Variants in CNTN4 observed in about 807,000 individuals in gnomAD.
The protein encoded by CNTN4 is contactin-4.
In CNTN4, 77 loss-of-function variants were observed where a neutral mutation model predicts 122.5. That is an observed-to-expected ratio of 0.63 (90% CI 0.52 to 0.76). The LOEUF is 0.76. Ranked by LOEUF, CNTN4 falls within the 30% of genes least tolerant of loss-of-function variation. The pLI, the probability that CNTN4 is intolerant of heterozygous loss-of-function variation, is 0.00. For synonymous variants in CNTN4, 512 were observed against 447.0 expected (o/e 1.15, Z -1.83); for missense variants, 1,256 against 1,259.1 (o/e 1.00, Z 0.04).
intron 3 of CNTN4, among the ~76,000 whole-genome samples, chr3:2,432,051 C>T (rs533912058): frequency 6.6e-6 from 1 of 152,304 alleles, no homozygotes; most frequent in Admixed American, 6.5e-5. Context: ...CACTGTAACT[C>T]TCACTGCACA....
At chr3:2,487,622 C>G (rs2076199264) in intron 3 of CNTN4, among the ~76,000 whole-genome samples, 2 of 152,096 alleles carry the variant, frequency 1.3e-5, no homozygotes. Context: ...GTGCATGACT[C>G]TTTTTTTGTT....
Position 3,026,269 on chromosome 3 carries a change from G to A in CNTN4, c.1654G>A (p.Val552Ile), listed in dbSNP as rs773947300. 3.1e-6 allele frequency: 5 copies of A among 1,613,098 alleles called. No individual in the cohort carries two copies. The highest frequency in any genetic ancestry group is 3.4e-6 in the Non-Finnish European group (4 of 1,179,312). The change falls in exon 15 of 25, where the codon GTT becomes ATT. Residue 552 changes from valine (V) to isoleucine (I), a missense_variant. Coordinates refer to ENST00000418658, the MANE Select transcript of CNTN4 (RefSeq NM_175607.3). ...CAGAGATGGGGACCACTTTGAAAGA[G>A]TTGGAGGGGTAAGTATTAATAGCAA... Reference protein sequence around the residue: ...FDRDGDHFERVGGQDSAGDLM... With the variant: ...FDRDGDHFERIGGQDSAGDLM...
chr3:2,397,212 A>G (rs1427670650), intron 3 of CNTN4, among the ~76,000 whole-genome samples: 2 of 152,218 alleles, frequency 1.3e-5, no homozygotes, highest in Non-Finnish European at 2.9e-5. Context: ...TACATTCAGT[A>G]TATGTTGAAA....
intron 4 of CNTN4, among the ~76,000 whole-genome samples, chr3:2,687,431 C>A (rs2085494684): frequency 6.6e-6 from 1 of 152,104 alleles, no homozygotes; most frequent in Admixed American, 6.6e-5. Context: ...GAGACCGAGA[C>A]AGGTGGATCA....
chr3:2,794,708 G>GCTGC (rs1010206650), intron 6 of CNTN4, among the ~76,000 whole-genome samples: 5 of 152,164 alleles, frequency 3.3e-5, no homozygotes, highest in African/African-American at 1.2e-4. Context: ...GCTGCTGTAA[G>GCTGC]CTGCCATTGA....
intron 2 of CNTN4, among the ~76,000 whole-genome samples, chr3:2,324,571 G>C (rs547323281): frequency 6.6e-6 from 1 of 152,140 alleles, no homozygotes; most frequent in East Asian, 1.9e-4. Flanking sequence ...CAATTCCCCT[G>C]CTAGCTTCTG....
chr3:2,821,726 G>C (rs1055905204), intron 7 of CNTN4, among the ~76,000 whole-genome samples: 2 of 152,122 alleles, frequency 1.3e-5, no homozygotes, highest in African/African-American at 4.8e-5. Context: ...GGTTTAATAA[G>C]TAGTAATATT....
At chr3:2,499,842 A>C (rs942643735) in intron 3 of CNTN4, among the ~76,000 whole-genome samples, 1 of 152,112 alleles carries the variant, frequency 6.6e-6, no homozygotes, top group Non-Finnish European at 1.5e-5. Flanking sequence ...TCTTTTTTAC[A>C]TTGACCCTTC....
rs1326909670 is a variant in CNTN4 at position 2,270,170 on chromosome 3, C to T, written c.-144-69008C>T. ...TTCACCTTGTTAGCCAGGATGGTCT[C>T]GATCTCCTGACCTCATGATCCACCC... On this transcript the variant is annotated intron_variant, in intron 2 of 24. Transcript: ENST00000418658. Among the ~76,000 whole-genome samples the T allele has an allele frequency of 1.5e-4, 6 of 40,666 alleles. 2 individuals carry two copies. Among genetic ancestry groups the T allele is most frequent in the African/African-American group, 2.9e-4 (5 of 17,138 alleles). The allele number at this position is 40,666 out of a possible 152,430, so 26.7% of individuals were successfully genotyped here.
chr3:2,920,852 T>C (rs1008552539), intron 12 of CNTN4, among the ~76,000 whole-genome samples: 10 of 152,156 alleles, frequency 6.6e-5, no homozygotes, highest in Non-Finnish European at 1.3e-4. Context: ...ACCCAAGAGC[T>C]GCCCGTGGAA....
chr3:2,531,222 G>A lies in CNTN4; in HGVS notation c.-88-40194G>A, dbSNP rs145153943. The stretch of plus-strand genomic sequence containing the variant: ...TCATCCTCCTCTGTTAGCCAGGAAA[G>A]GAGACAAGGTGTTGTCTTCAGGGTG... On this transcript the variant is annotated intron_variant, in intron 3 of 24. Transcript: ENST00000418658. Among the ~76,000 whole-genome samples the A allele has an allele frequency of 6.7e-4, 102 of 152,344 alleles. 1 individual carries two copies. The highest frequency in any genetic ancestry group is 2.4e-3 in the African/African-American group (100 of 41,576).
At chr3:2,723,084 A>C (rs980929129) in intron 4 of CNTN4, among the ~76,000 whole-genome samples, 1 of 152,192 alleles carries the variant, frequency 6.6e-6, no homozygotes, top group African/African-American at 2.4e-5. Flanking sequence ...GGATGATTCC[A>C]TCATTCTTTC....
chr3:3,035,375 T>C (rs1400700624), intron 17 of CNTN4, among the ~76,000 whole-genome samples: 4 of 151,806 alleles, frequency 2.6e-5, no homozygotes, highest in Admixed American at 6.6e-5. Context: ...ATTAAAAATA[T>C]ATTAGTTATA....
chr3:2,790,339 G>C (rs1025088778), intron 6 of CNTN4, among the ~76,000 whole-genome samples: 2 of 152,206 alleles, frequency 1.3e-5, no homozygotes, highest in Non-Finnish European at 2.9e-5. Context: ...GATCTCAAGA[G>C]ATCCTCTGGG....
At chr3:2,475,048 G>A (rs1055902645) in intron 3 of CNTN4, among the ~76,000 whole-genome samples, 1 of 152,106 alleles carries the variant, frequency 6.6e-6, no homozygotes, top group Non-Finnish European at 1.5e-5. Flanking sequence ...ACCTTAAGCT[G>A]AATTGCTTTG....
rs189297282 is a variant in CNTN4, at chr3:2,581,781, A to T, written c.55+10223A>T. ...CTATCAATTGATAAATAAGTAAAAA[A>T]TGTGGTAGTCCCATACAGTGGAATA... On this transcript the variant is annotated intron_variant, in intron 4 of 24. Coordinates refer to ENST00000418658, the MANE Select transcript of CNTN4 (RefSeq NM_175607.3). Among the ~76,000 whole-genome samples the T allele has an allele frequency of 8.5e-5, 13 of 152,364 alleles. No individual in the cohort carries two copies. The East Asian group carries it at 2.5e-3, about 29-fold the overall frequency.
At chr3:2,254,143 G>A (rs917834761) in intron 2 of CNTN4, among the ~76,000 whole-genome samples, 1 of 151,090 alleles carries the variant, frequency 6.6e-6, no homozygotes, top group Admixed American at 6.6e-5. Flanking sequence ...TGCGGTGTTG[G>A]GTTTTCTGTT....
At chr3:2,901,081 A>T (rs1017025593) in intron 11 of CNTN4, among the ~76,000 whole-genome samples, 15 of 152,226 alleles carry the variant, frequency 9.9e-5, no homozygotes, top group African/African-American at 3.4e-4. Flanking sequence ...TGGGAAAGTT[A>T]TGCAAAAGGT....
rs182331509 is a variant in CNTN4, at chr3:2,681,650, T to C, written c.56-54565T>C. 3.2e-3 allele frequency among the ~76,000 whole-genome samples: 494 copies of C among 152,268 alleles called. 3 individuals are homozygous for C. The highest frequency in any genetic ancestry group is 0.011 in the African/African-American group (471 of 41,562). On this transcript the variant is annotated intron_variant, in intron 4 of 24. Coordinates refer to ENST00000418658, the MANE Select transcript of CNTN4 (RefSeq NM_175607.3). ...CCCCTTACGTATGTATACACATGTA[T>C]GTATATTCTGTATATATTTGTGTGT...
Sources: allele counts gnomAD v4.1 joint callset (sites outside exome capture counted in the v4.1 genomes callset), GRCh38; gene constraint gnomAD v4.1.1; transcripts MANE v1.5; gene names NCBI Gene and HGNC (gene_info 2026-07-23, HGNC 2026-07-21).